Variants in PDE4D observed in about 807,000 individuals in gnomAD.
PDE4D encodes the protein phosphodiesterase 4D.
In PDE4D, 24 loss-of-function variants were observed where a neutral mutation model predicts 87.4. The ratio of observed to expected loss-of-function variants is 0.27; its 90% CI spans 0.20 to 0.39. The LOEUF (loss-of-function observed/expected upper bound fraction) is 0.39, where lower values mean the gene tolerates loss of function less well. Ranked by LOEUF, PDE4D falls within the 10% of genes least tolerant of loss-of-function variation. The probability of loss-of-function intolerance (pLI) is 1.00; values close to 1 mark genes in which losing one functional copy is unlikely to be tolerated. For synonymous variants in PDE4D, 384 were observed against 383.2 expected (o/e 1.00, Z -0.02); for missense variants, 714 against 1,041.0 (o/e 0.69, Z 4.32).
chr5:59,929,063 T>G (rs1755598999), intron 3 of PDE4D, among the ~76,000 whole-genome samples: 1 of 151,930 alleles, frequency 6.6e-6, no homozygotes, highest in African/African-American at 2.4e-5. Context: ...ACTTAAAGAT[T>G]TTCAATATAT....
At chr5:59,772,532 A>T (rs899734188) in intron 1 of PDE4D, among the ~76,000 whole-genome samples, 7 of 152,176 alleles carry the variant, frequency 4.6e-5, no homozygotes, top group Non-Finnish European at 1.0e-4. Flanking sequence ...GTTTTGTCTC[A>T]TTAATCATTT....
intron 1 of PDE4D, among the ~76,000 whole-genome samples, chr5:60,399,726 G>A (rs987127162): frequency 6.6e-6 from 1 of 152,264 alleles, no homozygotes; most frequent in Non-Finnish European, 1.5e-5. Context: ...AGCAGTGGCC[G>A]TGCCGGCCCC....
At chr5:60,155,061 T>C (rs1042339057) in intron 2 of PDE4D, among the ~76,000 whole-genome samples, 2 of 152,220 alleles carry the variant, frequency 1.3e-5, no homozygotes, top group East Asian at 3.8e-4. Context: ...TGAAACACTC[T>C]TGTATAGTCT....
At chr5:60,097,205 A>T (rs529628679) in intron 2 of PDE4D, among the ~76,000 whole-genome samples, 1 of 151,046 alleles carries the variant, frequency 6.6e-6, no homozygotes, top group South Asian at 2.1e-4. Context: ...AGGAGAAATA[A>T]GAAAATGAGT....
At chr5:59,828,614 T>G (rs1204166181) in intron 1 of PDE4D, among the ~76,000 whole-genome samples, 4 of 152,068 alleles carry the variant, frequency 2.6e-5, no homozygotes, top group Non-Finnish European at 4.4e-5. Context: ...CTCCTATCAC[T>G]GCTTATGAAG....
intron 2 of PDE4D, among the ~76,000 whole-genome samples, chr5:60,053,621 A>G (rs550165956): frequency 3.4e-4 from 52 of 152,348 alleles, no homozygotes; most frequent in African/African-American, 1.1e-3. Flanking sequence ...TATTATGGAC[A>G]TAGGCCTGGC....
chr5:59,399,782 A>G lies in PDE4D; in HGVS notation c.456-183814T>C, dbSNP rs1224097263. On this transcript the variant is annotated intron_variant, in intron 1 of 14. Transcript: ENST00000340635. ...CTGCACAGCAAAAGAAACTACCATC[A>G]GAGTGAACAGGCAACCTAGAAAATG... Among the ~76,000 whole-genome samples, 2 of 110,572 alleles carry G rather than the reference A, an allele frequency of 1.8e-5. 1 individual carries two copies. Among genetic ancestry groups the G allele is most frequent in the Non-Finnish European group, 3.8e-5 (2 of 53,214 alleles). 72.5% of individuals were successfully genotyped at this position (110,572 alleles called of 152,430 possible).
At chr5:60,277,856 C>A (rs913008153) in intron 1 of PDE4D, among the ~76,000 whole-genome samples, 14 of 152,056 alleles carry the variant, frequency 9.2e-5, no homozygotes, top group Non-Finnish European at 1.8e-4. Flanking sequence ...CCTCTTTGAA[C>A]GTCCCTTTAA....
intron 2 of PDE4D, among the ~76,000 whole-genome samples, chr5:60,154,247 A>G (rs1781768046): frequency 6.6e-6 from 1 of 151,426 alleles, no homozygotes; most frequent in Non-Finnish European, 1.5e-5. Flanking sequence ...GGATTTGGTA[A>G]GTTAATTGAA....
intron 1 of PDE4D, among the ~76,000 whole-genome samples, chr5:59,372,250 T>G (rs1026985076): frequency 6.6e-6 from 1 of 152,336 alleles, no homozygotes; most frequent in Admixed American, 6.5e-5. Flanking sequence ...TTGAGAATAT[T>G]TCATATACAT....
intron 2 of PDE4D, among the ~76,000 whole-genome samples, chr5:60,153,063 G>A (rs781075702): frequency 3.3e-5 from 5 of 152,146 alleles, no homozygotes; most frequent in Non-Finnish European, 7.4e-5. Context: ...ACCAGGAAGC[G>A]AAGGAAACAA....
At chr5:60,196,846 T>C (rs1366107084) in intron 1 of PDE4D, among the ~76,000 whole-genome samples, 2 of 151,544 alleles carry the variant, frequency 1.3e-5, no homozygotes, top group African/African-American at 2.4e-5. Context: ...GTCTGAATAC[T>C]TGTAAATTTG....
intron 1 of PDE4D, among the ~76,000 whole-genome samples, chr5:59,270,315 CG>C (rs1489971735): frequency 6.6e-6 from 1 of 151,962 alleles, no homozygotes; most frequent in Non-Finnish European, 1.5e-5. Flanking sequence ...CATTTGTTTG[CG>C]TATTTACAAG....
rs115519416 is a variant in PDE4D, at chr5:59,479,163, G to C, written c.456-263195C>G. ...CTAGCTTCATATTACAATTACCTGG[G>C]GAGTTTCTTAAAAATACTGATGCTC... On this transcript the variant is annotated intron_variant, in intron 1 of 14. Transcript: ENST00000340635. Among the ~76,000 whole-genome samples, 803 of 152,138 alleles carry C rather than the reference G, an allele frequency of 5.3e-3. 6 individuals are homozygous for C. Among genetic ancestry groups the C allele is most frequent in the African/African-American group, 0.019 (786 of 41,528 alleles).
At chr5:59,037,224 C>T (rs562575269) in intron 6 of PDE4D, among the ~76,000 whole-genome samples, 1 of 152,104 alleles carries the variant, frequency 6.6e-6, no homozygotes, top group Non-Finnish European at 1.5e-5. Context: ...TAACTAGCTG[C>T]TCAAATTCAT....
intron 1 of PDE4D, among the ~76,000 whole-genome samples, chr5:59,798,126 G>A (rs969898586): frequency 6.6e-6 from 1 of 151,980 alleles, no homozygotes; most frequent in African/African-American, 2.4e-5. Flanking sequence ...CCAGCTACAT[G>A]GGAGGCTGAA....
At chr5:59,162,702 C>T (rs573731456) in intron 5 of PDE4D, among the ~76,000 whole-genome samples, 1 of 150,518 alleles carries the variant, frequency 6.6e-6, no homozygotes, top group Admixed American at 6.6e-5. Flanking sequence ...TAAAAATTAG[C>T]CAGGTATGGT....
intron 1 of PDE4D, among the ~76,000 whole-genome samples, chr5:59,636,095 A>G (rs536476191): frequency 0.26 from 224 of 846 alleles, no homozygotes; most frequent in African/African-American, 0.42. Context: ...CAAATAATAG[A>G]CAAACAGCCA....
intron 2 of PDE4D, among the ~76,000 whole-genome samples, chr5:60,184,385 G>T (rs1407847097): frequency 6.6e-6 from 1 of 151,942 alleles, no homozygotes; most frequent in Non-Finnish European, 1.5e-5. Flanking sequence ...TTTGTATGCA[G>T]GTCACCTCCT....
Sources: gnomAD v4.1 joint callset for allele counts (sites outside exome capture counted in the v4.1 genomes callset) on GRCh38, gnomAD v4.1.1 for gene constraint, MANE v1.5 for transcripts, NCBI Gene and HGNC (gene_info 2026-07-23, HGNC 2026-07-21) for gene names.